Variants in PHOX2B observed in about 807,000 individuals in gnomAD.
PHOX2B encodes paired mesoderm homeobox protein 2B.
Under a neutral mutation model 15.5 loss-of-function variants are expected in PHOX2B, and 1 was observed. The observed-to-expected ratio is 0.06, with a 90% CI of 0.02 to 0.31. The LOEUF (loss-of-function observed/expected upper bound fraction) is 0.31. Among genes scored for constraint, PHOX2B ranks in the 10% least tolerant of loss-of-function variants. PHOX2B has a pLI of 1.00. For missense variants in PHOX2B, 314 were observed against 436.4 expected, an observed-to-expected ratio of 0.72 and a Z score of 2.50; for synonymous variants, 206 against 190.5, an observed-to-expected ratio of 1.08 and a Z score of -0.67.
Position 41,744,273 on chromosome 4 carries a change from A to G in PHOX2B, c.*1534T>C. On this transcript the variant is annotated 3_prime_UTR_variant, in exon 3 of 3. Transcript: ENST00000226382. Reference sequence around the variant, plus strand: ...ACATAGTCCAACAGGAAAAAAAAAGAAATCAGACAGACATGCACCTGATAA... The same window carrying G: ...ACATAGTCCAACAGGAAAAAAAAAGGAATCAGACAGACATGCACCTGATAA... 4.5e-6 allele frequency: 1 copy of G among 224,650 alleles called. No homozygotes were observed. The highest frequency in any genetic ancestry group is 8.9e-6 in the Non-Finnish European group (1 of 112,398). The allele number at this position is 224,650 out of a possible 1,614,324, so 13.9% of individuals were successfully genotyped here. A position where few individuals can be genotyped will look rare whatever the true frequency, so the allele number is the denominator to read the frequency against.
In PHOX2B at chr4:41,745,978, CGCCGCT is replaced by C. The variant is rs1157597283; in HGVS notation, c.768_773del (p.Ala259_Ala260del). On this transcript the variant is annotated inframe_deletion, in exon 3 of 3. Transcript: ENST00000226382. This position sits in a 1 kb window ranked among gnomAD's most constrained non-coding sequence, Gnocchi z 4.0. ...CAGCCGCAGCCAGGCCTCCAGCTGC[CGCCGCT>C]GCCGCTGCCGCCGCCGCCGCTGCCG... 3 of 1,284,374 alleles carry C rather than the reference CGCCGCT, an allele frequency of 2.3e-6. No individual in the cohort carries two copies. Among genetic ancestry groups the C allele is most frequent in the African/African-American group, 3.1e-5 (2 of 64,114 alleles). 79.6% of individuals were successfully genotyped at this position (1,284,374 alleles called of 1,614,324 possible).
In PHOX2B at chr4:41,748,607, A is replaced by T; in HGVS notation, c.4T>A (p.Tyr2Asn). The change falls in exon 1 of 3, where the codon TAT (tyrosine) becomes AAT (asparagine). Residue 2 changes from tyrosine (Y) to asparagine (N), a missense_variant. Around this residue, in one of 7 missense-constraint regions of PHOX2B, gnomAD observed 102 missense variants for 155.1 expected, o/e 0.66. Transcript: ENST00000226382. ...TTGAGGTAAGAATATTCCATTTTAT[A>T]CATTGAAAAGGTTCTGGATGGCTCA... Reference protein sequence around the residue: MYKMEYSYLNSS... With the variant: MNKMEYSYLNSS... The T allele has an allele frequency of 6.2e-7, 1 of 1,613,366 alleles. No individual in the cohort carries two copies. Among genetic ancestry groups the T allele is most frequent in the Non-Finnish European group, 8.5e-7 (1 of 1,179,322 alleles).
Position 41,745,752 on chromosome 4 carries a change from C to G in PHOX2B, c.*55G>C. On this transcript the variant is annotated 3_prime_UTR_variant, in exon 3 of 3. Transcript: ENST00000226382. The surrounding 1 kb of genome is among the most constrained non-coding windows in gnomAD (Gnocchi z 4.0). ...CCTACCCGCTCGCCCACTCGCCCGC[C>G]CGGGCCCTGGCTCGCCCGCTGTCGC... 1 of 1,567,706 alleles carries G rather than the reference C, an allele frequency of 6.4e-7. No homozygotes were observed. Among genetic ancestry groups the G allele is most frequent in the Non-Finnish European group, 8.6e-7 (1 of 1,158,300 alleles).
rs955563168 is a variant in PHOX2B at position 41,745,990 on chromosome 4, TGCCGCC to T, written c.756_761del (p.Ala259_Ala260del). Reference sequence around the variant, plus strand: ...GGCCTCCAGCTGCCGCCGCTGCCGCTGCCGCCGCCGCCGCTGCCGCGGCCGCCGCCG... The same window carrying T: ...GGCCTCCAGCTGCCGCCGCTGCCGCTGCCGCCGCTGCCGCGGCCGCCGCCG... On this transcript the variant is annotated inframe_deletion, in exon 3 of 3. Transcript: ENST00000226382. This position sits in a 1 kb window ranked among gnomAD's most constrained non-coding sequence, Gnocchi z 4.0. 4.9e-6 allele frequency: 6 copies of T among 1,235,886 alleles called. No individual in the cohort carries two copies. The highest frequency in any genetic ancestry group is 3.1e-4 in the Middle Eastern group (1 of 3,272). 76.6% of individuals were successfully genotyped at this position (1,235,886 alleles called of 1,614,324 possible).
rs537473339 is a variant in PHOX2B, at chr4:41,744,625, C to T, written c.*1182G>A. ...AGAATGGAACCCTCAATATACAGTC[C>T]ATCCACCATACAGGATGTGAGTCCA... On this transcript the variant is annotated 3_prime_UTR_variant, in exon 3 of 3. Coordinates refer to ENST00000226382, the MANE Select transcript of PHOX2B (RefSeq NM_003924.4). The T allele has an allele frequency of 1.0e-4, 24 of 233,508 alleles. 1 individual carries two copies. The highest frequency in any genetic ancestry group is 4.6e-4 in the African/African-American group (21 of 45,426). The allele number at this position is 233,508 out of a possible 1,614,324, so 14.5% of individuals were successfully genotyped here.
chr4:41,746,732 T>G (rs1733912801), intron 2 of PHOX2B, among the ~76,000 whole-genome samples: 2 of 152,142 alleles, frequency 1.3e-5, no homozygotes, highest in Admixed American at 1.3e-4. Flanking sequence ...CTCTCTGGGT[T>G]TGCTCCGCTG....
At chr4:41,746,557 C>T (rs1401633474) in intron 2 of PHOX2B, among the ~76,000 whole-genome samples, 1 of 152,082 alleles carries the variant, frequency 6.6e-6, no homozygotes, top group Admixed American at 6.5e-5. Context: ...TGAAGGCTTG[C>T]GGCAGAGTTT....
chr4:41,748,164 C>T (rs768046455), intron 1 of PHOX2B: 107 of 602,316 alleles, frequency 1.8e-4, no homozygotes, highest in Non-Finnish European at 2.8e-4. Context: ...ATTTTGTTGG[C>T]GGTTCGGGTG....
At position 41,748,446 on chromosome 4, in the gene PHOX2B, G is replaced by T. The variant is rs762144117; in HGVS notation, c.165C>A (p.Ser55=). ...NPIRTTFGAT[S]GCPSLTPGSC... ...ATCCCGGCGTGAGGGAAGGGCAGCC[G>T]GACGTGGCCCCAAAAGTGGTCCTTA... Residue 55 remains serine (S), a synonymous_variant, in exon 1 of 3, where the codon TCC becomes TCA. Transcript: ENST00000226382. The T allele has an allele frequency of 1.2e-6, 2 of 1,614,112 alleles. 1 individual carries two copies. The highest frequency in any genetic ancestry group is 2.2e-5 in the South Asian group (2 of 91,078).
At chr4:41,747,582 G>C (rs781184674) in intron 1 of PHOX2B, 46 bp from the exon 2 acceptor site, 8 of 1,522,830 alleles carry the variant, frequency 5.3e-6, no homozygotes, top group South Asian at 4.5e-5. Flanking sequence ...TCAGCCGGCA[G>C]CTCGCCGGCC....
intron 1 of PHOX2B, chr4:41,747,802 G>A (rs1165253170): frequency 1.5e-6 from 1 of 657,254 alleles, no homozygotes; most frequent in African/African-American, 1.8e-5. Flanking sequence ...ACGGACTTGA[G>A]ATAGTGCTTT....
At chr4:41,746,650 C>A (rs987736036) in intron 2 of PHOX2B, among the ~76,000 whole-genome samples, 2 of 152,160 alleles carry the variant, frequency 1.3e-5, no homozygotes, top group East Asian at 1.9e-4. Flanking sequence ...CTTGAGCAAG[C>A]CCCGAGCTCG....
At chr4:41,748,280 A>C in intron 1 of PHOX2B, 90 bp downstream of exon 1, 1 of 1,460,710 alleles carries the variant, frequency 6.8e-7, no homozygotes, top group Non-Finnish European at 9.6e-7. Flanking sequence ...GGTAAATACT[A>C]AACACATTTC....
chr4:41,744,106 T>C lies in PHOX2B; in HGVS notation c.*1701A>G, dbSNP rs886059409. 5.8e-5 allele frequency: 10 copies of C among 172,470 alleles called. No homozygotes were observed. Among genetic ancestry groups the C allele is most frequent in the Non-Finnish European group, 8.7e-5 (7 of 80,614 alleles). 10.7% of individuals were successfully genotyped at this position (172,470 alleles called of 1,614,324 possible). ...CTAGACTTGCTTTTTGTTTTTATTA[T>C]CAACAATCAAGTTAATGGTACACTC... is the stretch of plus-strand genomic sequence containing the variant. On this transcript the variant is annotated 3_prime_UTR_variant, in exon 3 of 3. Transcript: ENST00000226382.
intron 2 of PHOX2B, 70 bp from the exon 3 acceptor site, chr4:41,746,392 G>A (rs1733901911): frequency 3.3e-6 from 5 of 1,509,048 alleles, no homozygotes; most frequent in Non-Finnish European, 2.7e-6. Context: ...AAAAGCACCG[G>A]TTAGGGTGGC....
At position 41,744,262 on chromosome 4, in the gene PHOX2B, GAAA is replaced by G. The variant is rs955907651; in HGVS notation, c.*1542_*1544del. ...TATGTTCACAAACATAGTCCAACAG[GAAA>G]AAAAAAGAAATCAGACAGACATGCA... On this transcript the variant is annotated 3_prime_UTR_variant, in exon 3 of 3. Transcript: ENST00000226382. The G allele has an allele frequency of 9.1e-6, 2 of 218,760 alleles. No individual in the cohort carries two copies. Among genetic ancestry groups the G allele is most frequent in the Admixed American group, 5.8e-5 (1 of 17,124 alleles). 13.6% of individuals were successfully genotyped at this position (218,760 alleles called of 1,614,324 possible).
rs146066803 is a variant in PHOX2B at position 41,747,051 on chromosome 4, C to T, written c.429+298G>A. Among the ~76,000 whole-genome samples, 467 of 152,298 alleles carry T rather than the reference C, an allele frequency of 3.1e-3. 3 individuals carry two copies. Among genetic ancestry groups the T allele is most frequent in the African/African-American group, 0.01 (436 of 41,548 alleles). ...ATAATACGGGAGCAAAGTCTGCACA[C>T]CTTCCACCACAGGCACTTCCTGTCC... On this transcript the variant is annotated intron_variant, in intron 2 of 2. Coordinates refer to ENST00000226382, the MANE Select transcript of PHOX2B (RefSeq NM_003924.4).
chr4:41,747,792 A>G, intron 1 of PHOX2B: 1 of 669,402 alleles, frequency 1.5e-6, no homozygotes, highest in Non-Finnish European at 2.7e-6. Flanking sequence ...GCGCGATGTG[A>G]CGGACTTGAG....
At chr4:41,746,586 G>C (rs948860651) in intron 2 of PHOX2B, among the ~76,000 whole-genome samples, 3 of 152,204 alleles carry the variant, frequency 2.0e-5, no homozygotes, top group African/African-American at 7.2e-5. Context: ...GCAGGTCCCA[G>C]AAAGACCCGA....
Sources: gnomAD v4.1 joint callset for allele counts (sites outside exome capture counted in the v4.1 genomes callset) on GRCh38, gnomAD v4.1.1 for gene constraint, gnomAD v4.1.1 regional missense constraint, Gnocchi (gnomAD v3.1) non-coding constraint, MANE v1.5 for transcripts, NCBI Gene and HGNC (gene_info 2026-07-23, HGNC 2026-07-21) for gene names.